The following FAN1 variants were observed in gnomAD, a reference collection of about 807,000 sequenced individuals.
The protein encoded by FAN1 is fanconi-associated nuclease 1.
In FAN1, 91 loss-of-function variants were observed where a neutral mutation model predicts 104.9. The observed-to-expected ratio is 0.87, with a 90% CI of 0.73 to 1.03. The LOEUF (loss-of-function observed/expected upper bound fraction) is 1.03. FAN1 is among the 50% of genes least tolerant of loss of function. The probability of loss-of-function intolerance (pLI) is 0.00; values close to 1 mark genes in which losing one functional copy is unlikely to be tolerated. For synonymous variants in FAN1, 478 were observed against 457.6 expected (o/e 1.04, Z -0.57); for missense variants, 1,263 against 1,239.9 (o/e 1.02, Z -0.28).
chr15:30,919,879 A>G (rs564687065), intron 6 of FAN1, among the ~76,000 whole-genome samples: 1 of 152,292 alleles, frequency 6.6e-6, no homozygotes, highest in East Asian at 1.9e-4. Context: ...AAATCCACAT[A>G]TAAGTGGACG....
chr15:30,913,844 T>C lies in FAN1; in HGVS notation c.1578-14T>C, dbSNP rs75971779. ...AAAAAGCTAAAAGTTATTTCTACATTGTACATTTTTCAGAGCCAAAGCCTT... is the reference window on the plus strand; with the variant it reads ...AAAAAGCTAAAAGTTATTTCTACATCGTACATTTTTCAGAGCCAAAGCCTT... On this transcript the variant is annotated splice_polypyrimidine_tract_variant and intron_variant, in intron 4 of 14. Coordinates refer to ENST00000362065, the MANE Select transcript of FAN1 (RefSeq NM_014967.5). 26 of 1,543,060 alleles carry C rather than the reference T, an allele frequency of 1.7e-5. No homozygotes were observed. The highest frequency in any genetic ancestry group is 2.3e-5 in the Non-Finnish European group (26 of 1,128,134).
rs766080414 is a variant in FAN1 at position 30,929,240 on chromosome 15, C to T, written c.2630C>T (p.Thr877Ile). The T allele has an allele frequency of 1.9e-6, 3 of 1,613,402 alleles. No individual in the cohort carries two copies. Among genetic ancestry groups the T allele is most frequent in the East Asian group, 4.5e-5 (2 of 44,838 alleles). Reference sequence around the variant, plus strand: ...GACTTGTGCACAGACAGCTTCTTCACAAGCAGACGCCCAGCCCTTGAGGCC... The same window carrying T: ...GACTTGTGCACAGACAGCTTCTTCATAAGCAGACGCCCAGCCCTTGAGGCC... The part of the protein sequence containing the change: ...PLDLCTDSFF[T>I]SRRPALEARL... Residue 877 changes from threonine (T) to isoleucine (I), a missense_variant, in exon 12 of 15, where the codon ACA (threonine) becomes ATA (isoleucine). Coordinates refer to ENST00000362065, the MANE Select transcript of FAN1 (RefSeq NM_014967.5).
At chr15:30,922,134 C>T (rs538675034) in intron 7 of FAN1, 101 bp from the exon 8 acceptor site, 57 of 1,392,212 alleles carry the variant, frequency 4.1e-5, no homozygotes, top group South Asian at 1.7e-4. Context: ...TGGAAAGATA[C>T]GCATTATAAA....
intron 7 of FAN1, among the ~76,000 whole-genome samples, chr15:30,921,059 G>C (rs747796576): frequency 3.8e-4 from 58 of 152,118 alleles, no homozygotes; most frequent in Admixed American, 2.1e-3. Context: ...TTGACAGTGG[G>C]GGCCTAAAGT....
intron 4 of FAN1, chr15:30,911,224 T>C: frequency 1.0e-6 from 1 of 993,858 alleles, no homozygotes; most frequent in South Asian, 4.7e-5. Flanking sequence ...ACGTAACAAT[T>C]TACCAAAAAC....
At chr15:30,936,769 T>C (rs956052171) in intron 13 of FAN1, among the ~76,000 whole-genome samples, 2 of 152,210 alleles carry the variant, frequency 1.3e-5, no homozygotes, top group African/African-American at 2.4e-5. Context: ...GGGCAGATCA[T>C]GTAGTTCACT....
chr15:30,904,518 G>A lies in FAN1; in HGVS notation c.-146G>A, dbSNP rs962565548. 1 of 808,624 alleles carries A rather than the reference G, an allele frequency of 1.2e-6. No individual in the cohort carries two copies. The highest frequency in any genetic ancestry group is 1.4e-5 in the South Asian group (1 of 70,814). The allele number at this position is 808,624 out of a possible 1,614,324, so 50.1% of individuals were successfully genotyped here. The stretch of plus-strand genomic sequence containing the variant: ...TATGTGTTTCTTCTTGTAGGAAGAA[G>A]AAATTGTCGAGACGAATAACATGAG... On this transcript the variant is annotated 5_prime_UTR_variant, in exon 2 of 15. Transcript: ENST00000362065.
intron 3 of FAN1, 26 bp from the exon 4 acceptor site, chr15:30,910,588 A>G: frequency 6.7e-7 from 1 of 1,485,086 alleles, no homozygotes; most frequent in South Asian, 1.3e-5. Context: ...AAAATTTAAA[A>G]AAACTTTTTT....
At chr15:30,907,614 G>A (rs983490780) in intron 2 of FAN1, among the ~76,000 whole-genome samples, 5 of 152,108 alleles carry the variant, frequency 3.3e-5, no homozygotes, top group African/African-American at 1.2e-4. Context: ...TTTTAAAGAA[G>A]AAAGGAAAAT....
Position 30,910,917 on chromosome 15 carries a change from A to G in FAN1, c.1577+102A>G, listed in dbSNP as rs898221597. On this transcript the variant is annotated intron_variant, in intron 4 of 14. Transcript: ENST00000362065. ...TGATTGAACTGTAATTGTTTATTTC[A>G]GTTGTAGTTAGATTGAGAAGGCTGG... 4.9e-6 allele frequency: 7 copies of G among 1,425,824 alleles called. No homozygotes were observed. The African/African-American group carries it at 1.0e-4, about 21-fold the overall frequency. The allele number at this position is 1,425,824 out of a possible 1,614,324, so 88.3% of individuals were successfully genotyped here. A position where few individuals can be genotyped will look rare whatever the true frequency, so the allele number is the denominator to read the frequency against.
chr15:30,939,194 AAGTT>A (rs1368791495), intron 14 of FAN1: 52 of 985,284 alleles, frequency 5.3e-5, no homozygotes, highest in Admixed American at 6.1e-5. Flanking sequence ...TCCTTAAATA[AAGTT>A]AGTTAGCTAT....
intron 14 of FAN1, chr15:30,941,308 G>A: frequency 6.6e-7 from 1 of 1,524,322 alleles, no homozygotes; most frequent in Non-Finnish European, 8.8e-7. Flanking sequence ...TAAAATAAGT[G>A]TGAAAGAAGC....
chr15:30,940,139 G>T, intron 14 of FAN1: 1 of 985,428 alleles, frequency 1.0e-6, no homozygotes, highest in South Asian at 4.7e-5. Flanking sequence ...TTAAGAAACA[G>T]TCAAATTTGA....
At chr15:30,915,745 T>C (rs896026791) in intron 5 of FAN1, among the ~76,000 whole-genome samples, 8 of 152,128 alleles carry the variant, frequency 5.3e-5, no homozygotes, top group African/African-American at 1.7e-4. Context: ...TAATAATAGA[T>C]GCCAAACAAA....
At position 30,937,231 on chromosome 15, in the gene FAN1, G is replaced by A. The variant is rs1164152989; in HGVS notation, c.3029G>A (p.Gly1010Glu). The A allele has an allele frequency of 1.3e-5, 21 of 1,613,928 alleles. No homozygotes were observed. The highest frequency in any genetic ancestry group is 1.7e-5 in the Non-Finnish European group (20 of 1,179,962). The change falls in exon 14 of 15, where the codon GGA becomes GAA. Residue 1010 changes from glycine to glutamate, a missense_variant. Gly to Glu is a moderately conservative substitution (Grantham distance 98). Transcript: ENST00000362065. Reference sequence around the variant, plus strand: ...GAAGTCTGCCATGTGGTTGCAGTTGGAGCTAAGAGCCAAAGCCTTAGCTAA... The same window carrying A: ...GAAGTCTGCCATGTGGTTGCAGTTGAAGCTAAGAGCCAAAGCCTTAGCTAA... ...EVEVCHVVAV[G>E]AKSQSLS
intron 4 of FAN1, chr15:30,911,688 CCTTT>C (rs548096522): frequency 0.013 from 11,693 of 897,056 alleles, 99 homozygotes; most frequent in Middle Eastern, 0.021. Context: ...TCTTCTAAGT[CCTTT>C]CTTTATCTAA....
At chr15:30,912,387 C>G (rs1215661143) in intron 4 of FAN1, among the ~76,000 whole-genome samples, 1 of 152,238 alleles carries the variant, frequency 6.6e-6, no homozygotes, top group Non-Finnish European at 1.5e-5. Flanking sequence ...TTTATGCTTT[C>G]TTAATCCTTG....
intron 6 of FAN1, among the ~76,000 whole-genome samples, chr15:30,919,595 A>G (rs1304341927): frequency 6.6e-6 from 1 of 151,544 alleles, no homozygotes; most frequent in Non-Finnish European, 1.5e-5. Flanking sequence ...AGGCTGAGGC[A>G]GGAGAATCAC....
intron 3 of FAN1, among the ~76,000 whole-genome samples, 192 bp from the exon 4 acceptor site, chr15:30,910,422 C>T (rs1481611573): frequency 1.3e-5 from 2 of 152,048 alleles, no homozygotes; most frequent in Non-Finnish European, 2.9e-5. Context: ...TATTTGATAA[C>T]TTTTAAGAGA....
Sources: gnomAD v4.1 joint callset for allele counts (sites outside exome capture counted in the v4.1 genomes callset) on GRCh38, gnomAD v4.1.1 for gene constraint, MANE v1.5 for transcripts, NCBI Gene and HGNC (gene_info 2026-07-23, HGNC 2026-07-21) for gene names.